Variants in ZNF735 observed in about 807,000 individuals in gnomAD.
ZNF735 encodes the protein putative zinc finger protein 735.
In ZNF735, 11 loss-of-function variants were observed where a neutral mutation model predicts 13.4. The observed-to-expected ratio is 0.82, with a 90% CI of 0.52 to 1.36. The LOEUF is 1.36. ZNF735 is among the 40% of genes most tolerant of loss of function. The pLI, the probability that ZNF735 is intolerant of heterozygous loss-of-function variation, is 0.00. For missense variants in ZNF735, 500 were observed against 484.6 expected (o/e 1.03, Z -0.30); for synonymous variants, 171 against 162.6 (o/e 1.05, Z -0.39).
At chr7:64,213,954 A>T in intron 2 of ZNF735, 59 bp from the exon 3 acceptor site, 2 of 1,419,096 alleles carry the variant, frequency 1.4e-6, no homozygotes, top group Non-Finnish European at 1.9e-6. Context: ...GTGAGACTCC[A>T]TCTCAAAAAA....
exon 4 of ZNF735, chr7:64,220,263 T>C: frequency 6.2e-7 from 1 of 1,611,498 alleles, no homozygotes. Flanking sequence ...TAATTCACAC[T>C]GGAGAGAAAC....
chr7:64,207,278 G>A, intron 1 of ZNF735, 37 bp downstream of exon 1: 3 of 1,614,164 alleles, frequency 1.9e-6, no homozygotes, highest in Non-Finnish European at 2.5e-6. Flanking sequence ...AGAGGGGTGG[G>A]AGGTGGTTGG....
chr7:64,207,373 G>A (rs1787301239), intron 1 of ZNF735, 132 bp downstream of exon 1: 4 of 1,559,424 alleles, frequency 2.6e-6, no homozygotes, highest in Admixed American at 1.8e-5. Context: ...CCTTGGCCCA[G>A]TTCGGCTGTT....
chr7:64,219,277 A>G (rs1246899080), intron 3 of ZNF735, 37 bp from the exon 4 acceptor site: 1 of 1,594,820 alleles, frequency 6.3e-7, no homozygotes, highest in East Asian at 2.2e-5. Flanking sequence ...ATCTGAGTCT[A>G]GTAAGTGGAG....
chr7:64,208,976 A>G (rs1178920050), intron 1 of ZNF735, among the ~76,000 whole-genome samples: 1 of 152,216 alleles, frequency 6.6e-6, no homozygotes, highest in Non-Finnish European at 1.5e-5. Context: ...CACTGAAGAC[A>G]TACAGGTTTA....
chr7:64,217,504 T>C (rs901220952), intron 3 of ZNF735, among the ~76,000 whole-genome samples: 6 of 152,044 alleles, frequency 3.9e-5, no homozygotes, highest in Admixed American at 2.0e-4. Flanking sequence ...AATTTTTTAT[T>C]TATTATTGAA....
exon 4 of ZNF735, chr7:64,219,824 G>C (rs1386247224): frequency 1.2e-6 from 2 of 1,612,342 alleles, no homozygotes; most frequent in African/African-American, 2.7e-5. Context: ...AACCTTACTA[G>C]ACATAAGAGA....
At chr7:64,213,022 CAAAT>C in intron 1 of ZNF735, 66 bp from the exon 2 acceptor site, 2 of 1,480,240 alleles carry the variant, frequency 1.4e-6, no homozygotes, top group Non-Finnish European at 1.8e-6. Context: ...TAACTTGAGT[CAAAT>C]AAAAATCTCT....
intron 1 of ZNF735, among the ~76,000 whole-genome samples, chr7:64,208,150 T>C (rs1423139433): frequency 1.3e-5 from 2 of 151,326 alleles, no homozygotes; most frequent in African/African-American, 4.8e-5. Context: ...AAGATCCAGG[T>C]GAAAATTTAT....
At chr7:64,208,521 G>C (rs897006984) in intron 1 of ZNF735, among the ~76,000 whole-genome samples, 3 of 151,926 alleles carry the variant, frequency 2.0e-5, no homozygotes, top group Admixed American at 2.0e-4. Flanking sequence ...CCTCCCAACA[G>C]GCTTGGGTTA....
chr7:64,219,383 T>C, exon 4 of ZNF735: 1 of 1,613,890 alleles, frequency 6.2e-7, no homozygotes, highest in Non-Finnish European at 8.5e-7. Context: ...CAAAAAGTAA[T>C]ACCAAGAACA....
At chr7:64,214,225 A>T (rs1434614211) in intron 3 of ZNF735, 117 bp downstream of exon 3, 2 of 1,123,596 alleles carry the variant, frequency 1.8e-6, no homozygotes, top group East Asian at 5.5e-5. Flanking sequence ...GTTTCTGAGA[A>T]GCTTGAGTAT....
chr7:64,209,231 T>A (rs923272526), intron 1 of ZNF735, among the ~76,000 whole-genome samples: 2 of 151,974 alleles, frequency 1.3e-5, no homozygotes, highest in African/African-American at 4.8e-5. Context: ...CTGTTCCGTT[T>A]TTTTTTTTTG....
At chr7:64,208,770 T>C (rs1244587702) in intron 1 of ZNF735, among the ~76,000 whole-genome samples, 3 of 152,180 alleles carry the variant, frequency 2.0e-5, no homozygotes, top group African/African-American at 7.2e-5. Context: ...CTTATTTGCA[T>C]CCATGTATTC....
In ZNF735 at chr7:64,210,317, G is replaced by A. The variant is rs375573029; in HGVS notation, c.40-2775G>A. Among the ~76,000 whole-genome samples, 7 of 152,264 alleles carry A rather than the reference G, an allele frequency of 4.6e-5. No homozygotes were observed. The East Asian group carries it at 7.7e-4, about 17-fold the overall frequency. ...ATATAGCATTTCAGCATGGTGATTG[G>A]TTGTCTTTATTTGTACCAGATGTAT... On this transcript the variant is annotated intron_variant, in intron 1 of 3. Transcript: ENST00000429565.
chr7:64,208,128 G>A (rs1243979994), intron 1 of ZNF735, among the ~76,000 whole-genome samples: 2 of 150,574 alleles, frequency 1.3e-5, no homozygotes, highest in Non-Finnish European at 2.9e-5. Context: ...GTTATTTAGT[G>A]TTTTTACTTG....
intron 2 of ZNF735, among the ~76,000 whole-genome samples, chr7:64,213,467 C>T (rs747775312): frequency 7.9e-5 from 12 of 152,084 alleles, no homozygotes; most frequent in Non-Finnish European, 1.8e-4. Flanking sequence ...CATAAAATAG[C>T]GTTGCCAACA....
At chr7:64,211,717 A>T (rs1787362118) in intron 1 of ZNF735, among the ~76,000 whole-genome samples, 1 of 151,724 alleles carries the variant, frequency 6.6e-6, no homozygotes, top group South Asian at 2.1e-4. Context: ...AATACAAAAA[A>T]TAGCCAAGTG....
chr7:64,213,408 C>A (rs1005399456), intron 2 of ZNF735, among the ~76,000 whole-genome samples, 190 bp downstream of exon 2: 6 of 152,102 alleles, frequency 3.9e-5, no homozygotes, highest in Non-Finnish European at 8.8e-5. Flanking sequence ...CTTTCCTGAG[C>A]TTATGTATCT....
Sources: allele counts gnomAD v4.1 joint callset (sites outside exome capture counted in the v4.1 genomes callset), GRCh38; gene constraint gnomAD v4.1.1; transcripts MANE v1.5; gene names NCBI Gene and HGNC (gene_info 2026-07-23, HGNC 2026-07-21).